COG5: variants seen among roughly 807,000 people sequenced by gnomAD.
COG5 encodes the protein component of oligomeric golgi complex 5.
Under a neutral mutation model 110.4 loss-of-function variants are expected in COG5, and 86 were observed. The ratio of observed to expected loss-of-function variants is 0.78; its 90% CI spans 0.65 to 0.93. The LOEUF is 0.93. Among genes scored for constraint, COG5 ranks in the 40% least tolerant of loss-of-function variants. COG5 has a pLI of 0.00. For missense variants in COG5, 1,077 were observed against 987.0 expected (o/e 1.09, Z -1.22); for synonymous variants, 360 against 334.6 (o/e 1.08, Z -0.83).
intron 13 of COG5, 151 bp downstream of exon 13, chr7:107,283,420 G>T (rs539998756): frequency 3.1e-6 from 2 of 635,584 alleles, no homozygotes; most frequent in Admixed American, 2.9e-5. Context: ...TACTTACTAT[G>T]TGTGCACTCA....
At chr7:107,501,102 G>A (rs894130808) in intron 6 of COG5, among the ~76,000 whole-genome samples, 13 of 152,014 alleles carry the variant, frequency 8.6e-5, no homozygotes, top group Non-Finnish European at 1.5e-4. Flanking sequence ...ATTATACTTA[G>A]AGACCCAAAG....
At chr7:107,531,476 T>C (rs1000250867) in intron 5 of COG5, among the ~76,000 whole-genome samples, 2 of 152,042 alleles carry the variant, frequency 1.3e-5, no homozygotes, top group Admixed American at 6.6e-5. Flanking sequence ...GCATATGAAA[T>C]TTCTCTATAA....
Position 107,241,915 on chromosome 7 carries a change from G to C in COG5, c.1854-5228C>G, listed in dbSNP as rs371405257. Among the ~76,000 whole-genome samples, 17 of 152,168 alleles carry C rather than the reference G, an allele frequency of 1.1e-4. No individual in the cohort carries two copies. In the East Asian group the frequency reaches 3.3e-3, roughly 29 times the overall value. On this transcript the variant is annotated intron_variant, in intron 17 of 21. Coordinates refer to ENST00000297135, the MANE Select transcript of COG5 (RefSeq NM_006348.5). Reference sequence around the variant, plus strand: ...CCTTGCCTTAGCTCCCCAAAGAGCTGGAACTACCGATGCACACCACGACAC... The same window carrying C: ...CCTTGCCTTAGCTCCCCAAAGAGCTCGAACTACCGATGCACACCACGACAC...
rs778187974 is a variant in COG5, at chr7:107,258,332, G to A, written c.1627C>T (p.Gln543Ter). The A allele has an allele frequency of 6.2e-7, 1 of 1,613,270 alleles. No homozygotes were observed. The highest frequency in any genetic ancestry group is 1.7e-5 in the Admixed American group (1 of 59,964). ...TTCACTACTGCCACATTTCTTCTCT[G>A]TCCTTCAGTAAGAGGCCCAATCACC... ...SQVIGPLTEGQRRNVAVVNSL... is the reference protein window; with the variant it reads ...SQVIGPLTEG The change falls in exon 15 of 22, where the codon CAG becomes TAG. Residue 543 changes from glutamine (Q) to a stop codon, truncating the protein, a stop_gained. Transcript: ENST00000297135. LOFTEE classifies it high-confidence loss of function.
chr7:107,469,799 G>A (rs918086760), intron 6 of COG5, among the ~76,000 whole-genome samples: 2 of 151,690 alleles, frequency 1.3e-5, no homozygotes, highest in Admixed American at 6.6e-5. Flanking sequence ...TTTTTTTAAT[G>A]TTTGGCATAA....
At chr7:107,487,875 T>C (rs531114949) in intron 6 of COG5, among the ~76,000 whole-genome samples, 1 of 152,214 alleles carries the variant, frequency 6.6e-6, no homozygotes, top group East Asian at 1.9e-4. Flanking sequence ...AGGTACAAAA[T>C]AGTATGTATA....
intron 5 of COG5, among the ~76,000 whole-genome samples, chr7:107,545,691 A>T (rs1802362054): frequency 6.6e-6 from 1 of 150,538 alleles, no homozygotes; most frequent in African/African-American, 2.4e-5. Flanking sequence ...GAGGCAGAAG[A>T]ATGGCTTGAA....
rs1021729622 is a variant in COG5, at chr7:107,558,095, T to C, written c.115A>G (p.Asn39Asp). Reference sequence around the variant, plus strand: ...TAAGTCTTTACATCAAAGTCTTCGTTTAAAAAGTCACTATAACACCCTGGA... The same window carrying C: ...TAAGTCTTTACATCAAAGTCTTCGTCTAAAAAGTCACTATAACACCCTGGA... ...LQDGCYSDFL[N>D]EDFDVKTYTS... Residue 39 changes from asparagine to aspartate, a missense_variant, in exon 2 of 22, where the codon AAC (asparagine) becomes GAC (aspartate). Physicochemically the swap from Asn to Asp is conservative, Grantham distance 23. Transcript: ENST00000297135. The C allele has an allele frequency of 6.2e-7, 1 of 1,613,788 alleles. No homozygotes were observed. The highest frequency in any genetic ancestry group is 1.7e-5 in the Admixed American group (1 of 59,992).
chr7:107,285,336 A>G (rs1805538697), intron 12 of COG5, among the ~76,000 whole-genome samples: 1 of 152,200 alleles, frequency 6.6e-6, no homozygotes, highest in African/African-American at 2.4e-5. Flanking sequence ...CATGACATCT[A>G]CTGACCTCAG....
chr7:107,260,443 T>C (rs1407442500), intron 14 of COG5, among the ~76,000 whole-genome samples: 2 of 152,174 alleles, frequency 1.3e-5, no homozygotes, highest in Non-Finnish European at 2.9e-5. Context: ...GAGTGCTAAC[T>C]GGTATGAAGT....
chr7:107,210,733 G>A, intron 20 of COG5, 128 bp from the exon 21 acceptor site: 4 of 1,052,358 alleles, frequency 3.8e-6, no homozygotes, highest in Non-Finnish European at 5.7e-6. Flanking sequence ...TCCAAGGGAA[G>A]TGTGAAGGGG....
intron 16 of COG5, among the ~76,000 whole-genome samples, chr7:107,252,183 T>G (rs1247130896): frequency 2.0e-5 from 3 of 152,096 alleles, no homozygotes; most frequent in Admixed American, 6.5e-5. Context: ...ATCGTGCCAG[T>G]GAATAGCCAC....
intron 14 of COG5, among the ~76,000 whole-genome samples, chr7:107,269,697 T>A (rs2116708433): frequency 6.6e-6 from 1 of 152,342 alleles, no homozygotes; most frequent in East Asian, 1.9e-4. Flanking sequence ...TTTACCTATA[T>A]GTTTATCAAT....
At position 107,473,014 on chromosome 7, in the gene COG5, G is replaced by A. The variant is rs961442991; in HGVS notation, c.538+54223C>T. 5.9e-5 allele frequency: 9 copies of A among 151,624 alleles called. No homozygotes were observed. The South Asian group carries it at 6.2e-4, about 11-fold the overall frequency. The allele number at this position is 151,624 out of a possible 1,614,324, so 9.4% of individuals were successfully genotyped here. On this transcript the variant is annotated intron_variant, in intron 6 of 21. Coordinates refer to ENST00000297135, the MANE Select transcript of COG5 (RefSeq NM_006348.5). ...TAGATTTGCATGAATTAGCAAAAGC[G>A]TTTGTATTTTTTTTTAATTTTTCTT...
At chr7:107,316,293 AATG>A (rs1347236343) in intron 11 of COG5, among the ~76,000 whole-genome samples, 1 of 152,140 alleles carries the variant, frequency 6.6e-6, no homozygotes, top group African/African-American at 2.4e-5. Context: ...GAGAAATATA[AATG>A]ATGATGCTAG....
intron 6 of COG5, among the ~76,000 whole-genome samples, chr7:107,469,795 T>A (rs1221909748): frequency 1.3e-5 from 2 of 152,128 alleles, no homozygotes; most frequent in Non-Finnish European, 2.9e-5. Context: ...CATTTTTTTT[T>A]AATGTTTGGC....
Position 107,264,537 on chromosome 7 carries a change from C to A in COG5, c.1576-6154G>T, listed in dbSNP as rs181995464. Among the ~76,000 whole-genome samples the A allele has an allele frequency of 7.8e-3, 1,186 of 151,876 alleles. 11 individuals carry two copies. The highest frequency in any genetic ancestry group is 0.012 in the Non-Finnish European group (824 of 67,948). On this transcript the variant is annotated intron_variant, in intron 14 of 21. Transcript: ENST00000297135. ...CAAAACCCCATCTCTACAAAAAATA[C>A]AAAAATTAGCCAGGTGTGGTGGTAC...
chr7:107,306,662 T>C (rs1254726595), intron 11 of COG5, among the ~76,000 whole-genome samples: 1 of 152,192 alleles, frequency 6.6e-6, no homozygotes, highest in East Asian at 1.9e-4. Context: ...TAGGTATGCA[T>C]TCTGTACTGC....
chr7:107,239,631 A>T lies in COG5; in HGVS notation c.1854-2944T>A, dbSNP rs1440622249. 2.6e-5 allele frequency among the ~76,000 whole-genome samples: 4 copies of T among 152,162 alleles called. No individual in the cohort carries two copies. The South Asian group carries it at 8.3e-4, about 32-fold the overall frequency. ...GTGTTTTTGTTGATTTCTTTCATTG[A>T]TGTTTTATAGTTTTCAGTGTATAGA... is the stretch of plus-strand genomic sequence containing the variant. On this transcript the variant is annotated intron_variant, in intron 17 of 21. Transcript: ENST00000297135.
Sources: gnomAD v4.1 joint callset for allele counts (sites outside exome capture counted in the v4.1 genomes callset) on GRCh38, gnomAD v4.1.1 for gene constraint, MANE v1.5 for transcripts, NCBI Gene and HGNC (gene_info 2026-07-23, HGNC 2026-07-21) for gene names.